The following ESRRG variants were observed in gnomAD, a reference collection of about 807,000 sequenced individuals.
ESRRG encodes the protein estrogen related receptor gamma, also known as estrogen-related receptor gamma.
ESRRG carries 13 observed loss-of-function variants against 44.0 expected under a neutral mutation model. The ratio of observed to expected loss-of-function variants is 0.30; its 90% confidence interval spans 0.19 to 0.47. The LOEUF is 0.47. ESRRG is among the 20% of genes least tolerant of loss of function. The pLI, the probability that ESRRG is intolerant of heterozygous loss-of-function variation, is 1.00. For synonymous variants in ESRRG, 215 were observed against 214.6 expected (o/e 1.00, Z -0.02); for missense variants, 395 against 580.6 (o/e 0.68, Z 3.29).
chr1:216,628,881 C>T (rs1023056903), intron 3 of ESRRG, among the ~76,000 whole-genome samples: 6 of 152,224 alleles, frequency 3.9e-5, no homozygotes, highest in African/African-American at 1.4e-4. Flanking sequence ...TCACATCATC[C>T]ATGACCCTTT....
intron 2 of ESRRG, among the ~76,000 whole-genome samples, chr1:216,852,874 C>A (rs2095863387): frequency 6.9e-6 from 1 of 144,760 alleles, no homozygotes; most frequent in Admixed American, 6.9e-5. Flanking sequence ...CTGTCTCTGT[C>A]TTGAAACACA....
intron 2 of ESRRG, among the ~76,000 whole-genome samples, chr1:216,784,629 A>G (rs1031548719): frequency 5.9e-5 from 9 of 152,190 alleles, no homozygotes; most frequent in African/African-American, 2.2e-4. Context: ...TCATAGAGTT[A>G]AAGAATTATA....
At chr1:216,743,357 C>A (rs1427304847) in intron 2 of ESRRG, among the ~76,000 whole-genome samples, 1 of 152,108 alleles carries the variant, frequency 6.6e-6, no homozygotes, top group African/African-American at 2.4e-5. Context: ...TGAGGTGACT[C>A]TTAGGATCAT....
intron 2 of ESRRG, among the ~76,000 whole-genome samples, chr1:216,926,826 C>T (rs1024927993): frequency 7.9e-5 from 12 of 152,236 alleles, no homozygotes; most frequent in Middle Eastern, 6.9e-3. Context: ...AGCTTTCATC[C>T]GGTCAAATGA....
Position 216,506,312 on chromosome 1 carries a change from C to T in ESRRG, c.*627G>A, listed in dbSNP as rs2148697039. The stretch of plus-strand genomic sequence containing the variant: ...TAGTCATTGGGGACAGTATGGTTCA[C>T]AATAAGTTCACTGGCATCCATATTA... On this transcript the variant is annotated 3_prime_UTR_variant, in exon 7 of 7. Coordinates refer to ENST00000408911, the MANE Select transcript of ESRRG (RefSeq NM_001438.4). 1 of 247,846 alleles carries T rather than the reference C, an allele frequency of 4.0e-6. No individual in the cohort carries two copies. Among genetic ancestry groups the T allele is most frequent in the African/African-American group, 2.3e-5 (1 of 44,038 alleles). 15.4% of individuals were successfully genotyped at this position (247,846 alleles called of 1,614,324 possible). A position where few individuals can be genotyped will look rare whatever the true frequency, so the allele number is the denominator to read the frequency against.
intron 3 of ESRRG, among the ~76,000 whole-genome samples, chr1:216,604,547 A>C (rs1012306091): frequency 6.6e-6 from 1 of 152,182 alleles, no homozygotes; most frequent in African/African-American, 2.4e-5. Context: ...CATATCACAA[A>C]GAAGAGCAGG....
chr1:216,856,518 A>G (rs1286386946), intron 2 of ESRRG, among the ~76,000 whole-genome samples: 1 of 152,192 alleles, frequency 6.6e-6, no homozygotes, highest in Non-Finnish European at 1.5e-5. Context: ...AACCCACAAA[A>G]TAGCAGCTTA....
chr1:216,620,066 A>G (rs753224433), intron 3 of ESRRG, among the ~76,000 whole-genome samples: 4 of 152,160 alleles, frequency 2.6e-5, no homozygotes, highest in South Asian at 2.1e-4. Context: ...AATTTTTCCT[A>G]TAACTTAGGA....
intron 2 of ESRRG, among the ~76,000 whole-genome samples, chr1:216,925,368 C>CGG (rs2062400588): frequency 6.6e-6 from 1 of 151,956 alleles, no homozygotes; most frequent in African/African-American, 2.4e-5. Flanking sequence ...ACCCGGGAGG[C>CGG]GGAGGTTGCA....
intron 2 of ESRRG, among the ~76,000 whole-genome samples, chr1:216,674,744 C>T (rs981942408): frequency 7.3e-5 from 11 of 151,424 alleles, no homozygotes; most frequent in African/African-American, 1.7e-4. Context: ...CCAGTAGCCA[C>T]GACTACAGGT....
At chr1:217,129,734 C>T (rs2092939340) in intron 1 of ESRRG, among the ~76,000 whole-genome samples, 1 of 152,062 alleles carries the variant, frequency 6.6e-6, no homozygotes, top group South Asian at 2.1e-4. Flanking sequence ...ATGATTCCAA[C>T]TATAAAATGT....
At chr1:217,090,809 A>G (rs11572384), upstream of ESRRG, among the ~76,000 whole-genome samples, 2,911 of 152,144 alleles carry the variant, frequency 0.019, 31 homozygotes, top group South Asian at 0.038. Flanking sequence ...CAGCAGGAAA[A>G]CTTTTTTTTA....
chr1:217,046,025 G>A (rs2084813490), intron 1 of ESRRG, among the ~76,000 whole-genome samples: 1 of 151,980 alleles, frequency 6.6e-6, no homozygotes, highest in Admixed American at 6.6e-5. Context: ...AACACAATAA[G>A]AGCAAGTAGG....
chr1:216,541,423 T>C (rs1410566277), intron 5 of ESRRG, among the ~76,000 whole-genome samples: 1 of 152,040 alleles, frequency 6.6e-6, no homozygotes, highest in Non-Finnish European at 1.5e-5. Context: ...AGCTAAATGT[T>C]ATCTCTTAGT....
intron 2 of ESRRG, among the ~76,000 whole-genome samples, chr1:216,736,413 G>A (rs892433664): frequency 6.6e-6 from 1 of 151,944 alleles, no homozygotes; most frequent in Non-Finnish European, 1.5e-5. Context: ...TCGATCTGCG[G>A]ACCTCGTGAT....
chr1:217,120,996 C>A (rs182211028), intron 1 of ESRRG, among the ~76,000 whole-genome samples: 471 of 152,230 alleles, frequency 3.1e-3, no homozygotes, highest in African/African-American at 0.011. Context: ...TACAGACACA[C>A]AAACAATCCA....
chr1:217,066,509 G>C (rs1235089520), intron 1 of ESRRG, among the ~76,000 whole-genome samples: 1 of 152,044 alleles, frequency 6.6e-6, no homozygotes, highest in Non-Finnish European at 1.5e-5. Context: ...CCAGAGTGCT[G>C]GGATTACAGG....
chr1:216,557,226 CT>C (rs2057772419), intron 5 of ESRRG, among the ~76,000 whole-genome samples: 1 of 152,088 alleles, frequency 6.6e-6, no homozygotes, highest in Non-Finnish European at 1.5e-5. Flanking sequence ...CATACATTTC[CT>C]TTTTAAATTC....
At chr1:217,057,613 A>G (rs1281497397) in intron 1 of ESRRG, among the ~76,000 whole-genome samples, 1 of 152,154 alleles carries the variant, frequency 6.6e-6, no homozygotes, top group East Asian at 1.9e-4. Flanking sequence ...TGTCAACTAA[A>G]CTAGAAAAAA....
Sources: gnomAD v4.1 joint callset for allele counts (sites outside exome capture counted in the v4.1 genomes callset) on GRCh38, gnomAD v4.1.1 for gene constraint, MANE v1.5 for transcripts, NCBI Gene and HGNC (gene_info 2026-07-23, HGNC 2026-07-21) for gene names.